ERGIC2: variants seen among roughly 807,000 people sequenced by gnomAD.
The protein encoded by ERGIC2 is endoplasmic reticulum-Golgi intermediate compartment protein 2.
In ERGIC2, 31 loss-of-function variants were observed where a neutral mutation model predicts 52.5. The ratio of observed to expected loss-of-function variants is 0.59; its 90% confidence interval spans 0.44 to 0.80. The LOEUF (loss-of-function observed/expected upper bound fraction) is 0.80. ERGIC2 is among the 30% of genes least tolerant of loss of function. The pLI is 0.00. For synonymous variants in ERGIC2, 129 were observed against 140.6 expected (o/e 0.92, Z 0.58); for missense variants, 395 against 455.2 (o/e 0.87, Z 1.20).
chr12:29,341,673 C>T (rs1009237698), intron 13 of ERGIC2, 61 bp downstream of exon 13: 10 of 905,320 alleles, frequency 1.1e-5, no homozygotes, highest in Non-Finnish European at 1.3e-5. Flanking sequence ...ATGACTGGCT[C>T]ATAGACTTAA....
Position 29,339,098 on chromosome 12 carries a change from ACT to A in ERGIC2, c.*2056_*2057del, listed in dbSNP as rs1474237163. ...TAATACTTCCATTGCCAAAAATCTG[ACT>A]CTATTTGAGGAGTTTCAGATGGAAG... is the stretch of plus-strand genomic sequence containing the variant. On this transcript the variant is annotated 3_prime_UTR_variant, in exon 14 of 14. Transcript: ENST00000360150. 1.4e-4 allele frequency: 21 copies of A among 152,128 alleles called. No homozygotes were observed. The highest frequency in any genetic ancestry group is 4.6e-4 in the Admixed American group (7 of 15,260). The allele number at this position is 152,128 out of a possible 1,614,324, so 9.4% of individuals were successfully genotyped here. A position where few individuals can be genotyped will look rare whatever the true frequency, so the allele number is the denominator to read the frequency against.
In ERGIC2 at chr12:29,340,386, G is replaced by A. The variant is rs1209195606; in HGVS notation, c.*770C>T. 1.3e-5 allele frequency: 2 copies of A among 152,040 alleles called. No individual in the cohort carries two copies. Among genetic ancestry groups the A allele is most frequent in the Admixed American group, 6.6e-5 (1 of 15,244 alleles). 9.4% of individuals were successfully genotyped at this position (152,040 alleles called of 1,614,324 possible). A position where few individuals can be genotyped will look rare whatever the true frequency, so the allele number is the denominator to read the frequency against. Reference sequence around the variant, plus strand: ...ATATAATGATTAGATTAAAAAACTTGGCATCTTTTTTAAAAAAATGTGCTT... The same window carrying A: ...ATATAATGATTAGATTAAAAAACTTAGCATCTTTTTTAAAAAAATGTGCTT... On this transcript the variant is annotated 3_prime_UTR_variant, in exon 14 of 14. Coordinates refer to ENST00000360150, the MANE Select transcript of ERGIC2 (RefSeq NM_016570.3).
intron 10 of ERGIC2, among the ~76,000 whole-genome samples, chr12:29,346,860 G>T (rs1940060143): frequency 1.3e-5 from 2 of 152,082 alleles, no homozygotes; most frequent in East Asian, 1.9e-4. Flanking sequence ...TCTAGAAAAA[G>T]TATAATTAGA....
Position 29,371,604 on chromosome 12 carries a change from T to TA in ERGIC2, c.29dup (p.Leu10PhefsTer15), listed in dbSNP as rs756638244. 6 of 1,613,510 alleles carry TA rather than the reference T, an allele frequency of 3.7e-6. No individual in the cohort carries two copies. Among genetic ancestry groups the TA allele is most frequent in the Non-Finnish European group, 3.4e-6 (4 of 1,179,734 alleles). ...AGGCATCCAACTCTTTTACCAAACT[T>TA]AAAGTTTTTTTCCGATTCAGTCGCC... is the stretch of plus-strand genomic sequence containing the variant. On this transcript the variant is annotated frameshift_variant, in exon 2 of 14. Coordinates refer to ENST00000360150, the MANE Select transcript of ERGIC2 (RefSeq NM_016570.3). LOFTEE classifies it high-confidence loss of function.
intron 1 of ERGIC2, among the ~76,000 whole-genome samples, chr12:29,375,038 T>C (rs1439251668): frequency 6.6e-6 from 1 of 152,130 alleles, no homozygotes; most frequent in Non-Finnish European, 1.5e-5. Flanking sequence ...CAGTCTACGT[T>C]CCAACCATAT....
At chr12:29,354,431 G>A (rs553049859) in intron 8 of ERGIC2, among the ~76,000 whole-genome samples, 1 of 152,308 alleles carries the variant, frequency 6.6e-6, no homozygotes, top group African/African-American at 2.4e-5. Context: ...ACATATAAGT[G>A]GCAAGCATCT....
chr12:29,342,984 G>A, intron 12 of ERGIC2, 136 bp downstream of exon 12: 2 of 598,458 alleles, frequency 3.3e-6, no homozygotes, highest in South Asian at 6.1e-5. Context: ...TATAATTTTG[G>A]AGTTTTGTAA....
rs1445134820 is a variant in ERGIC2 at position 29,339,581 on chromosome 12, T to C, written c.*1575A>G. Reference sequence around the variant, plus strand: ...TTCTGTTTAAAAATCTTTCAAAGTATGTTATATCACTTATTTTCATCAGTT... The same window carrying C: ...TTCTGTTTAAAAATCTTTCAAAGTACGTTATATCACTTATTTTCATCAGTT... On this transcript the variant is annotated 3_prime_UTR_variant, in exon 14 of 14. Transcript: ENST00000360150. The C allele has an allele frequency of 1.3e-5, 2 of 152,318 alleles. No homozygotes were observed. The highest frequency in any genetic ancestry group is 2.1e-4 in the South Asian group (1 of 4,832). 9.4% of individuals were successfully genotyped at this position (152,318 alleles called of 1,614,324 possible).
At chr12:29,369,618 T>C (rs1010069617) in intron 3 of ERGIC2, among the ~76,000 whole-genome samples, 8 of 152,032 alleles carry the variant, frequency 5.3e-5, no homozygotes, top group Non-Finnish European at 8.8e-5. Context: ...CTTCATTCCA[T>C]TGAAGAAATC....
intron 6 of ERGIC2, among the ~76,000 whole-genome samples, chr12:29,360,574 T>C (rs897728345): frequency 6.8e-6 from 1 of 147,788 alleles, no homozygotes; most frequent in African/African-American, 2.5e-5. Flanking sequence ...AATATACTCA[T>C]ATATGATATA....
At chr12:29,361,186 G>C (rs1350618635) in intron 6 of ERGIC2, among the ~76,000 whole-genome samples, 1 of 151,956 alleles carries the variant, frequency 6.6e-6, no homozygotes, top group East Asian at 1.9e-4. Flanking sequence ...TGTGAGGTGG[G>C]GGTTGCAGTG....
At chr12:29,346,224 C>G (rs1350778974) in intron 10 of ERGIC2, among the ~76,000 whole-genome samples, 2 of 150,668 alleles carry the variant, frequency 1.3e-5, no homozygotes, top group African/African-American at 4.9e-5. Context: ...GGTCTCACTC[C>G]ATCGCCCAGG....
intron 8 of ERGIC2, among the ~76,000 whole-genome samples, chr12:29,352,091 T>C (rs1023060144): frequency 2.6e-5 from 4 of 152,166 alleles, no homozygotes; most frequent in Admixed American, 6.6e-5. Context: ...AATAAAATGT[T>C]GCAGGACAGG....
intron 6 of ERGIC2, among the ~76,000 whole-genome samples, chr12:29,360,816 G>T (rs909938981): frequency 2.6e-5 from 4 of 151,598 alleles, no homozygotes; most frequent in African/African-American, 9.7e-5. Context: ...TTGTATCTGG[G>T]TGCCCAATCT....
chr12:29,346,337 G>A (rs1027802070), intron 10 of ERGIC2, among the ~76,000 whole-genome samples: 22 of 151,402 alleles, frequency 1.5e-4, no homozygotes, highest in Non-Finnish European at 8.8e-5. Context: ...TACAATGCAC[G>A]CCACCAAGCC....
At chr12:29,367,486 A>G (rs1940380440) in intron 4 of ERGIC2, among the ~76,000 whole-genome samples, 1 of 151,890 alleles carries the variant, frequency 6.6e-6, no homozygotes, top group Non-Finnish European at 1.5e-5. Context: ...AAGTTTAAAA[A>G]TAAAGTATTT....
chr12:29,361,481 G>T (rs1457588994), intron 6 of ERGIC2, among the ~76,000 whole-genome samples, 164 bp downstream of exon 6: 1 of 152,128 alleles, frequency 6.6e-6, no homozygotes, highest in Non-Finnish European at 1.5e-5. Context: ...ACTTTCTTAA[G>T]ATCTGATGGT....
At position 29,341,218 on chromosome 12, in the gene ERGIC2, C is replaced by T; in HGVS notation, c.1072G>A (p.Val358Ile). Residue 358 changes from valine to isoleucine, a missense_variant and splice_region_variant, in exon 14 of 14, where the codon GTT becomes ATT. By Grantham distance (29) the Val-to-Ile change is conservative. Transcript: ENST00000360150. Reference sequence around the variant, plus strand: ...TCTGTGTGGCCATCCTCAAAAGGAACCTAAGGAGAAAAGGAGGGAAAAAAA... The same window carrying T: ...TCTGTGTGGCCATCCTCAAAAGGAATCTAAGGAGAAAAGGAGGGAAAAAAA... ...RLGSYKPVNS[V>I]PFEDGHTDNH... 8.1e-6 allele frequency: 13 copies of T among 1,605,992 alleles called. No individual in the cohort carries two copies. The highest frequency in any genetic ancestry group is 1.1e-5 in the Non-Finnish European group (13 of 1,175,204).
chr12:29,350,003 A>C lies in ERGIC2; in HGVS notation c.628+10T>G, dbSNP rs1223773557. 10 of 1,580,814 alleles carry C rather than the reference A, an allele frequency of 6.3e-6. No individual in the cohort carries two copies. The highest frequency in any genetic ancestry group is 8.7e-6 in the Non-Finnish European group (10 of 1,151,952). ...ACATCTTTACTGAAAAAAAGTCAGA[A>C]TCTGCTTACATTCATGGTTGACAAG... On this transcript the variant is annotated intron_variant, in intron 9 of 13. Coordinates refer to ENST00000360150, the MANE Select transcript of ERGIC2 (RefSeq NM_016570.3).
Sources: gnomAD v4.1 joint callset for allele counts (sites outside exome capture counted in the v4.1 genomes callset) on GRCh38, gnomAD v4.1.1 for gene constraint, MANE v1.5 for transcripts, NCBI Gene and HGNC (gene_info 2026-07-23, HGNC 2026-07-21) for gene names.